The following APBA2 variants were observed in gnomAD, a reference collection of about 807,000 sequenced individuals.
APBA2 encodes the protein amyloid-beta A4 precursor protein-binding family A member 2.
A neutral mutation model predicts 75.0 loss-of-function variants in APBA2; 30 were observed. That is an observed-to-expected ratio of 0.40 (90% CI 0.30 to 0.54). The LOEUF is 0.54. Among genes scored for constraint, APBA2 ranks in the 20% least tolerant of loss-of-function variants. The probability of loss-of-function intolerance (pLI) is 0.49; values close to 1 mark genes in which losing one functional copy is unlikely to be tolerated. For synonymous variants in APBA2, 444 were observed against 409.6 expected, an observed-to-expected ratio of 1.08 and a Z score of -1.01; for missense variants, 801 against 1,016.1, an observed-to-expected ratio of 0.79 and a Z score of 2.88.
intron 1 of APBA2, among the ~76,000 whole-genome samples, chr15:28,909,034 T>C (rs1406980004): frequency 6.7e-6 from 1 of 150,226 alleles, no homozygotes; most frequent in Non-Finnish European, 1.5e-5. Context: ...TTGCCCAGGC[T>C]GGAGTGCAGT....
chr15:28,891,493 C>A (rs1355679549), intron 1 of APBA2, among the ~76,000 whole-genome samples: 1 of 152,138 alleles, frequency 6.6e-6, no homozygotes, highest in Non-Finnish European at 1.5e-5. Flanking sequence ...TGATGGCTGG[C>A]ATCAGAGAGT....
At chr15:28,957,069 TC>T (rs1386226897) in intron 2 of APBA2, among the ~76,000 whole-genome samples, 1 of 149,210 alleles carries the variant, frequency 6.7e-6, no homozygotes, top group African/African-American at 2.4e-5. Flanking sequence ...GTTTTCTTTT[TC>T]TTTTTTTTTC....
intron 2 of APBA2, among the ~76,000 whole-genome samples, chr15:28,982,382 TGTAAC>T (rs2037672060): frequency 6.6e-6 from 1 of 152,242 alleles, no homozygotes; most frequent in Non-Finnish European, 1.5e-5. Flanking sequence ...AGACATTTGA[TGTAAC>T]TAAGTACCCA....
intron 13 of APBA2, among the ~76,000 whole-genome samples, chr15:29,111,817 TG>T (rs1386294436): frequency 1.3e-5 from 2 of 152,122 alleles, no homozygotes; most frequent in African/African-American, 4.8e-5. Flanking sequence ...TGAGGTGCAC[TG>T]GGGCTCCACT....
At chr15:29,011,312 C>T (rs1352943187) in intron 3 of APBA2, among the ~76,000 whole-genome samples, 1 of 152,174 alleles carries the variant, frequency 6.6e-6, no homozygotes, top group African/African-American at 2.4e-5. Flanking sequence ...GGCTGTCCAG[C>T]ACCATTTTTG....
At chr15:29,017,714 G>A (rs60013241) in intron 3 of APBA2, among the ~76,000 whole-genome samples, 11 of 152,114 alleles carry the variant, frequency 7.2e-5, no homozygotes, top group African/African-American at 2.7e-4. Flanking sequence ...ATAGTTCAAC[G>A]ACTTTAAATA....
intron 2 of APBA2, among the ~76,000 whole-genome samples, chr15:28,938,862 C>T (rs2035027251): frequency 6.6e-6 from 1 of 152,176 alleles, no homozygotes; most frequent in Non-Finnish European, 1.5e-5. Flanking sequence ...GCAAAGTACA[C>T]ATAACATAAA....
At position 28,974,756 on chromosome 15, in the gene APBA2, T is replaced by A. The variant is rs1360052974; in HGVS notation, c.-94-20997T>A. 2.0e-5 allele frequency among the ~76,000 whole-genome samples: 3 copies of A among 152,140 alleles called. No homozygotes were observed. The South Asian group carries it at 6.2e-4, about 32-fold the overall frequency. On this transcript the variant is annotated intron_variant, in intron 2 of 14. Coordinates refer to ENST00000683413, the MANE Select transcript of APBA2 (RefSeq NM_001353788.2). Reference sequence around the variant, plus strand: ...TGAATTTGACGATAATTAAAATATATCACTCTGTGGAATACACATAAAGCT... The same window carrying A: ...TGAATTTGACGATAATTAAAATATAACACTCTGTGGAATACACATAAAGCT...
At chr15:29,029,161 A>G (rs1179153682) in intron 3 of APBA2, among the ~76,000 whole-genome samples, 1 of 151,994 alleles carries the variant, frequency 6.6e-6, no homozygotes, top group East Asian at 1.9e-4. Flanking sequence ...TAAGTCTTTA[A>G]TCCATCTTGA....
chr15:29,038,745 C>T (rs930660401), intron 3 of APBA2, among the ~76,000 whole-genome samples: 5 of 146,042 alleles, frequency 3.4e-5, no homozygotes, highest in Non-Finnish European at 7.4e-5. Flanking sequence ...GCCATCTTGG[C>T]TCGCTGCAAC....
At chr15:29,106,523 G>T in intron 11 of APBA2, 84 bp from the exon 12 acceptor site, 4 of 1,467,794 alleles carry the variant, frequency 2.7e-6, no homozygotes, top group South Asian at 1.2e-5. Context: ...GCCAGGACAG[G>T]GTCAGCCTCA....
rs562877578 is a variant in APBA2 at position 29,007,179 on chromosome 15, T to C, written c.-41+11373T>C. On this transcript the variant is annotated intron_variant, in intron 3 of 14. Coordinates refer to ENST00000683413, the MANE Select transcript of APBA2 (RefSeq NM_001353788.2). ...GTGGGGAAAGGATAGTTTCTTCAAA[T>C]GGTGTTGGAAAAACTGAAAACAATA... 1.7e-4 allele frequency among the ~76,000 whole-genome samples: 26 copies of C among 152,270 alleles called. No individual in the cohort carries two copies. The South Asian group carries it at 5.2e-3, about 30-fold the overall frequency.
intron 3 of APBA2, among the ~76,000 whole-genome samples, chr15:29,039,765 A>T (rs1239820760): frequency 6.6e-6 from 1 of 152,202 alleles, no homozygotes; most frequent in Non-Finnish European, 1.5e-5. Flanking sequence ...TTTTAACTTA[A>T]TGTACCTCCC....
Position 29,108,388 on chromosome 15 carries a change from T to C in APBA2, c.2036T>C (p.Ile679Thr), listed in dbSNP as rs755055200. Residue 679 changes from isoleucine (I) to threonine (T), a missense_variant and splice_region_variant, in exon 13 of 15, where the codon ATT becomes ACT. This residue lies in a region of APBA2 where 367 missense variants were observed against 544.5 expected (regional missense o/e 0.67). Transcript: ENST00000683413. ...YQLGFSVQNG[I>T]ICSLMRGGIA... ...CTGGGCTTCAGCGTGCAGAATGGAATTGTGAGTTCCCCCTCCTGCTCTGGG... is the reference window on the plus strand; with the variant it reads ...CTGGGCTTCAGCGTGCAGAATGGAACTGTGAGTTCCCCCTCCTGCTCTGGG... 3.1e-6 allele frequency: 5 copies of C among 1,613,988 alleles called. No individual in the cohort carries two copies. Among genetic ancestry groups the C allele is most frequent in the Non-Finnish European group, 4.2e-6 (5 of 1,180,008 alleles).
chr15:28,989,755 C>A (rs571436504), intron 2 of APBA2, among the ~76,000 whole-genome samples: 152 of 152,260 alleles, frequency 1.0e-3, no homozygotes, highest in African/African-American at 3.6e-3. Flanking sequence ...GCTGTGTACA[C>A]CCTCTGCTTG....
intron 3 of APBA2, among the ~76,000 whole-genome samples, chr15:29,044,807 A>G (rs1420656244): frequency 6.6e-6 from 1 of 152,206 alleles, no homozygotes; most frequent in African/African-American, 2.4e-5. Context: ...TGTCTTAGTC[A>G]GCTCAGGCTG....
intron 2 of APBA2, among the ~76,000 whole-genome samples, chr15:28,956,250 A>T (rs2036160245): frequency 6.6e-6 from 1 of 152,124 alleles, no homozygotes; most frequent in South Asian, 2.1e-4. Context: ...AGGGGCTGGC[A>T]TATGCAGTTG....
At chr15:29,015,900 C>A (rs915513946) in intron 3 of APBA2, among the ~76,000 whole-genome samples, 2 of 152,140 alleles carry the variant, frequency 1.3e-5, no homozygotes, top group Non-Finnish European at 2.9e-5. Context: ...TGCCCCCTGG[C>A]CCCCCACTTC....
At chr15:28,888,239 A>G (rs2031886882) in intron 1 of APBA2, among the ~76,000 whole-genome samples, 2 of 152,348 alleles carry the variant, frequency 1.3e-5, no homozygotes, top group South Asian at 4.1e-4. Flanking sequence ...CTGAGCTAAG[A>G]AATACTGGAT....
Sources: allele counts gnomAD v4.1 joint callset (sites outside exome capture counted in the v4.1 genomes callset), GRCh38; gene constraint gnomAD v4.1.1; regional missense constraint gnomAD v4.1.1; transcripts MANE v1.5; gene names NCBI Gene and HGNC (gene_info 2026-07-23, HGNC 2026-07-21).